Variants in JAK2 observed in about 807,000 individuals in gnomAD.
JAK2 encodes Janus kinase 2.
A neutral mutation model predicts 139.3 loss-of-function variants in JAK2; 86 were observed. The ratio of observed to expected loss-of-function variants is 0.62; its 90% CI spans 0.52 to 0.74. The LOEUF is 0.74. Ranked by LOEUF, JAK2 falls within the 30% of genes least tolerant of loss-of-function variation. The probability of loss-of-function intolerance (pLI) is 0.00; values close to 1 mark genes in which losing one functional copy is unlikely to be tolerated. For synonymous variants in JAK2, 490 were observed against 437.7 expected (o/e 1.12, Z -1.49); for missense variants, 1,421 against 1,360.3 (o/e 1.04, Z -0.70).
chr9:5,108,578 C>T (rs1822167080), intron 22 of JAK2: 1 of 151,996 alleles, frequency 6.6e-6, no homozygotes, highest in South Asian at 2.1e-4. Context: ...TCCCAAAAGC[C>T]CATGTAGAAG....
chr9:5,118,170 A>T (rs73399382), intron 22 of JAK2, among the ~76,000 whole-genome samples: 174 of 152,324 alleles, frequency 1.1e-3, no homozygotes, highest in African/African-American at 4.1e-3. Flanking sequence ...CAAACAAACA[A>T]ATAAATAGTG....
chr9:5,103,221 C>CAAAAAAAAAAAAAAAAAAAAA (rs56691830), intron 22 of JAK2, among the ~76,000 whole-genome samples: 1 of 6,872 alleles, frequency 1.5e-4, no homozygotes, highest in African/African-American at 5.9e-4. Context: ...AAAGGGAAAG[C>CAAAAAAAAAAAAAAAAAAAAA]AAAAAAAAAA....
At chr9:5,114,467 C>A in intron 22 of JAK2, 1 of 470,334 alleles carries the variant, frequency 2.1e-6, no homozygotes, top group Non-Finnish European at 4.2e-6. Context: ...AGTCCACGAC[C>A]AAGATCAGCG....
At chr9:5,111,668 G>T in intron 22 of JAK2, 2 of 408,996 alleles carry the variant, frequency 4.9e-6, no homozygotes, top group South Asian at 1.8e-5. Context: ...GCCCAGCAGC[G>T]GCCCTGTGGG....
At chr9:5,032,015 G>C (rs1398028178) in intron 4 of JAK2, among the ~76,000 whole-genome samples, 1 of 152,262 alleles carries the variant, frequency 6.6e-6, no homozygotes, top group Non-Finnish European at 1.5e-5. Flanking sequence ...CCTAGTCAAA[G>C]AAAGGGGTGA....
At chr9:5,015,852 A>G (rs1822018555) in intron 2 of JAK2, among the ~76,000 whole-genome samples, 1 of 152,198 alleles carries the variant, frequency 6.6e-6, no homozygotes, top group African/African-American at 2.4e-5. Flanking sequence ...TCCAGTTACC[A>G]TCCTTTCTGT....
chr9:5,060,110 C>A (rs908869575), intron 8 of JAK2, among the ~76,000 whole-genome samples: 5 of 152,110 alleles, frequency 3.3e-5, no homozygotes, highest in Non-Finnish European at 7.3e-5. Flanking sequence ...ACTAAGTGTG[C>A]AACAGCATTA....
At chr9:5,049,946 A>G (rs12004861) in intron 5 of JAK2, among the ~76,000 whole-genome samples, 1 of 152,106 alleles carries the variant, frequency 6.6e-6, no homozygotes, top group African/African-American at 2.4e-5. Context: ...TACAGTAAAA[A>G]TGCAGTATTA....
chr9:5,055,004 G>T, intron 7 of JAK2, 120 bp downstream of exon 7: 2 of 679,852 alleles, frequency 2.9e-6, no homozygotes, highest in Non-Finnish European at 2.4e-6. Context: ...AGAAGTGGAA[G>T]TTTTTAATAG....
intron 14 of JAK2, 115 bp from the exon 15 acceptor site, chr9:5,077,338 G>T: frequency 2.7e-6 from 1 of 364,598 alleles, no homozygotes; most frequent in Non-Finnish European, 4.6e-6. Context: ...TGTGAGTTTT[G>T]CCAATTTAAT....
chr9:4,998,603 G>A (rs1481969224), intron 2 of JAK2, among the ~76,000 whole-genome samples: 1 of 151,802 alleles, frequency 6.6e-6, no homozygotes, highest in African/African-American at 2.4e-5. Context: ...TCCCATATTT[G>A]TTCACACTTT....
At chr9:5,098,567 G>A (rs961907986) in intron 22 of JAK2, 1 of 152,040 alleles carries the variant, frequency 6.6e-6, no homozygotes, top group African/African-American at 2.4e-5. Flanking sequence ...TAATTTTAAG[G>A]CCTCTCATCC....
chr9:5,110,602 C>T (rs568767951), intron 22 of JAK2: 2 of 185,610 alleles, frequency 1.1e-5, no homozygotes, highest in Non-Finnish European at 2.2e-5. Context: ...CTTGCACTTA[C>T]AGATATGCCT....
chr9:4,987,950 C>G (rs972865179), intron 2 of JAK2, among the ~76,000 whole-genome samples: 1 of 152,060 alleles, frequency 6.6e-6, no homozygotes, highest in African/African-American at 2.4e-5. Context: ...GCCTGTAACT[C>G]GTGTTTCCTC....
intron 22 of JAK2, among the ~76,000 whole-genome samples, chr9:5,117,751 GT>G (rs1823311057): frequency 6.6e-6 from 1 of 151,930 alleles, no homozygotes. Context: ...AGAAACAAAA[GT>G]TTTTTGGCAA....
chr9:4,997,843 T>C (rs1820672441), intron 2 of JAK2, among the ~76,000 whole-genome samples: 1 of 152,296 alleles, frequency 6.6e-6, no homozygotes, highest in African/African-American at 2.4e-5. Flanking sequence ...ACATAATGCT[T>C]CAGTGTCTGC....
intron 22 of JAK2, among the ~76,000 whole-genome samples, chr9:5,102,436 G>A (rs769720383): frequency 1.1e-4 from 17 of 152,258 alleles, no homozygotes; most frequent in South Asian, 2.1e-4. Flanking sequence ...TGAAAGTGAC[G>A]GGGAGAATGG....
intron 14 of JAK2, among the ~76,000 whole-genome samples, chr9:5,075,621 T>C (rs893744097): frequency 2.6e-5 from 4 of 152,170 alleles, no homozygotes; most frequent in East Asian, 1.9e-4. Flanking sequence ...GAAAAAAAGA[T>C]TGCTTTCAAA....
At chr9:5,042,049 A>C (rs1816587358) in intron 4 of JAK2, 1 of 270,014 alleles carries the variant, frequency 3.7e-6, no homozygotes. Flanking sequence ...CAGGACACAG[A>C]CTGCAGGGTC....
Sources: gnomAD v4.1 joint callset for allele counts (sites outside exome capture counted in the v4.1 genomes callset) on GRCh38, gnomAD v4.1.1 for gene constraint, MANE v1.5 for transcripts, NCBI Gene and HGNC (gene_info 2026-07-23, HGNC 2026-07-21) for gene names.